CNTN5: variants seen among roughly 807,000 people sequenced by gnomAD.
The protein encoded by CNTN5 is contactin-5.
A neutral mutation model predicts 129.1 loss-of-function variants in CNTN5; 77 were observed. The ratio of observed to expected loss-of-function variants is 0.60; its 90% CI spans 0.50 to 0.72. The LOEUF is 0.72. Among genes scored for constraint, CNTN5 ranks in the 30% least tolerant of loss-of-function variants. The probability of loss-of-function intolerance (pLI) is 0.00; values close to 1 mark genes in which losing one functional copy is unlikely to be tolerated. For missense variants in CNTN5, 1,478 were observed against 1,328.8 expected, an observed-to-expected ratio of 1.11 and a Z score of -1.75; for synonymous variants, 509 against 465.6, an observed-to-expected ratio of 1.09 and a Z score of -1.20.
intron 3 of CNTN5, among the ~76,000 whole-genome samples, chr11:99,743,292 A>G (rs1342072541): frequency 6.6e-6 from 1 of 152,182 alleles, no homozygotes; most frequent in Non-Finnish European, 1.5e-5. Context: ...TCTTTAATAC[A>G]AACCCATGGG....
intron 3 of CNTN5, among the ~76,000 whole-genome samples, chr11:99,592,281 G>T (rs1315191931): frequency 6.6e-6 from 1 of 152,150 alleles, no homozygotes; most frequent in Non-Finnish European, 1.5e-5. Context: ...TATTAGATGA[G>T]TAACAGTAGA....
chr11:100,033,534 C>A (rs1941829094), intron 9 of CNTN5, among the ~76,000 whole-genome samples: 1 of 152,136 alleles, frequency 6.6e-6, no homozygotes, highest in African/African-American at 2.4e-5. Flanking sequence ...CCTGTCTTCA[C>A]CTCTTACCCT....
intron 2 of CNTN5, among the ~76,000 whole-genome samples, chr11:99,433,977 C>A (rs1167191180): frequency 2.0e-5 from 3 of 151,986 alleles, no homozygotes; most frequent in African/African-American, 7.2e-5. Flanking sequence ...AAAAGCAGAT[C>A]AGAAAAAGAC....
At chr11:99,401,720 C>T (rs1941819308) in intron 2 of CNTN5, among the ~76,000 whole-genome samples, 1 of 151,958 alleles carries the variant, frequency 6.6e-6, no homozygotes, top group Non-Finnish European at 1.5e-5. Context: ...TGAACATGAG[C>T]TATATTTCCG....
intron 3 of CNTN5, among the ~76,000 whole-genome samples, chr11:99,804,177 T>G (rs886888564): frequency 6.6e-6 from 1 of 152,082 alleles, no homozygotes. Context: ...TTTATAAAAT[T>G]AAATATGAAT....
At chr11:99,629,082 C>T (rs1161674094) in intron 3 of CNTN5, among the ~76,000 whole-genome samples, 2 of 151,834 alleles carry the variant, frequency 1.3e-5, no homozygotes, top group Non-Finnish European at 2.9e-5. Context: ...ACAGAAAAAA[C>T]AATAAATATG....
intron 1 of CNTN5, among the ~76,000 whole-genome samples, chr11:99,264,419 G>A (rs1366665640): frequency 6.6e-6 from 1 of 151,890 alleles, no homozygotes; most frequent in Non-Finnish European, 1.5e-5. Context: ...TAGATTTTAT[G>A]GGAGGCATTG....
intron 3 of CNTN5, among the ~76,000 whole-genome samples, chr11:99,627,682 G>A (rs1169870198): frequency 2.0e-5 from 3 of 151,892 alleles, no homozygotes; most frequent in East Asian, 3.9e-4. Context: ...TAATTACCAA[G>A]CACTGCCCTA....
chr11:99,832,526 T>A (rs1271546594), intron 4 of CNTN5, among the ~76,000 whole-genome samples: 1 of 152,206 alleles, frequency 6.6e-6, no homozygotes, highest in Non-Finnish European at 1.5e-5. Flanking sequence ...TCTCTTCAAT[T>A]CTTAGAAATC....
At chr11:99,451,380 AT>A (rs1944295149) in intron 2 of CNTN5, among the ~76,000 whole-genome samples, 1 of 152,184 alleles carries the variant, frequency 6.6e-6, no homozygotes, top group Non-Finnish European at 1.5e-5. Flanking sequence ...GGGCAAAAAA[AT>A]ATACAAATAG....
At chr11:99,995,195 G>C (rs1423231236) in intron 8 of CNTN5, among the ~76,000 whole-genome samples, 1 of 152,018 alleles carries the variant, frequency 6.6e-6, no homozygotes, top group Non-Finnish European at 1.5e-5. Context: ...AAACTGATTA[G>C]AAAAATGAAA....
chr11:99,982,116 A>C (rs2137363849), intron 8 of CNTN5, among the ~76,000 whole-genome samples: 1 of 152,370 alleles, frequency 6.6e-6, no homozygotes, highest in South Asian at 2.1e-4. Context: ...ACTTGAGTGC[A>C]TATATAAGCT....
intron 4 of CNTN5, among the ~76,000 whole-genome samples, chr11:99,822,752 A>G (rs1269249236): frequency 6.6e-6 from 1 of 152,350 alleles, no homozygotes; most frequent in East Asian, 1.9e-4. Flanking sequence ...GTCTCACAGT[A>G]ATTCTCACTT....
At chr11:99,054,720 A>T (rs532988360) in intron 1 of CNTN5, among the ~76,000 whole-genome samples, 4 of 151,914 alleles carry the variant, frequency 2.6e-5, no homozygotes, top group African/African-American at 9.6e-5. Flanking sequence ...GACTTACCTC[A>T]TCACCATGGT....
chr11:100,282,673 G>T (rs1950664537), intron 18 of CNTN5, among the ~76,000 whole-genome samples: 1 of 152,206 alleles, frequency 6.6e-6, no homozygotes, highest in Non-Finnish European at 1.5e-5. Context: ...CTTTCAGGGT[G>T]GTGAGTTCCC....
At chr11:99,326,833 A>C (rs1865806089) in intron 2 of CNTN5, among the ~76,000 whole-genome samples, 1 of 152,148 alleles carries the variant, frequency 6.6e-6, no homozygotes. Flanking sequence ...ATATAAATTA[A>C]TCCATTGCTA....
intron 9 of CNTN5, among the ~76,000 whole-genome samples, chr11:100,023,438 G>C (rs143272356): frequency 6.6e-6 from 1 of 152,156 alleles, no homozygotes; most frequent in African/African-American, 2.4e-5. Flanking sequence ...CACATTCTCA[G>C]TCTCCTCTGT....
At chr11:99,126,960 G>A (rs1858666527) in intron 1 of CNTN5, among the ~76,000 whole-genome samples, 1 of 152,094 alleles carries the variant, frequency 6.6e-6, no homozygotes. Flanking sequence ...CTCCTGGTAG[G>A]AAGTGGCACT....
chr11:99,243,736 A>AT (rs35250111), intron 1 of CNTN5, among the ~76,000 whole-genome samples: 22,275 of 117,596 alleles, frequency 0.19, 2,108 homozygotes, highest in South Asian at 0.26. Context: ...CCTATTGCTT[A>AT]TTTTTTTTTT....
Sources: allele counts gnomAD v4.1 joint callset (sites outside exome capture counted in the v4.1 genomes callset), GRCh38; gene constraint gnomAD v4.1.1; transcripts MANE v1.5; gene names NCBI Gene and HGNC (gene_info 2026-07-23, HGNC 2026-07-21).